The following NEK1 variants were observed in gnomAD, a reference collection of about 807,000 sequenced individuals.
The protein encoded by NEK1 is NIMA related kinase 1, also known as serine/threonine-protein kinase Nek1.
Under a neutral mutation model 182.1 loss-of-function variants are expected in NEK1, and 137 were observed. That is an observed-to-expected ratio of 0.75 (90% CI 0.65 to 0.87). NEK1 has a LOEUF of 0.87. Ranked by LOEUF, NEK1 falls within the 40% of genes least tolerant of loss-of-function variation. The pLI is 0.00. For missense variants in NEK1, 1,391 were observed against 1,494.4 expected (o/e 0.93, Z 1.14); for synonymous variants, 513 against 492.2 (o/e 1.04, Z -0.56).
chr4:169,568,526 A>C (rs1764088079), intron 12 of NEK1, among the ~76,000 whole-genome samples: 1 of 152,234 alleles, frequency 6.6e-6, no homozygotes, highest in Admixed American at 6.5e-5. Context: ...AACTACTGAT[A>C]ATCACAAGTA....
chr4:169,580,019 A>C (rs950108134), intron 11 of NEK1, among the ~76,000 whole-genome samples: 1 of 152,176 alleles, frequency 6.6e-6, no homozygotes, highest in Non-Finnish European at 1.5e-5. Flanking sequence ...TCAGGAAAAA[A>C]ATAATTTCCC....
intron 18 of NEK1, among the ~76,000 whole-genome samples, chr4:169,541,484 A>T (rs1759402802): frequency 6.6e-6 from 1 of 152,158 alleles, no homozygotes. Flanking sequence ...GAAGAGGAAA[A>T]ATAACTACTA....
intron 23 of NEK1, among the ~76,000 whole-genome samples, 166 bp from the exon 24 acceptor site, chr4:169,479,700 A>G (rs1747641347): frequency 6.6e-6 from 1 of 152,154 alleles, no homozygotes; most frequent in Non-Finnish European, 1.5e-5. Flanking sequence ...CTGGGGATAC[A>G]GCAGTGACTA....
intron 27 of NEK1, 57 bp downstream of exon 27, chr4:169,463,186 A>C: frequency 2.1e-6 from 2 of 949,238 alleles, no homozygotes; most frequent in Non-Finnish European, 2.9e-6. Flanking sequence ...TAAAATACAT[A>C]ATTAGATTTT....
intron 27 of NEK1, among the ~76,000 whole-genome samples, chr4:169,443,616 C>T (rs550007462): frequency 7.3e-5 from 11 of 151,582 alleles, no homozygotes; most frequent in South Asian, 4.2e-4. Flanking sequence ...ATTTCTCTAA[C>T]GAAATAACAG....
rs574204412 is a variant in NEK1, at chr4:169,556,028, T to C, written c.1334A>G (p.His445Arg). The C allele has an allele frequency of 6.8e-5, 109 of 1,613,792 alleles. No individual in the cohort carries two copies. In the South Asian group the frequency reaches 1.1e-3, roughly 17 times the overall value. ...SSFSSRGQYE[H>R]YHAIFDQMQQ... is the part of the protein sequence containing the mutation. Reference sequence around the variant, plus strand: ...CATTTGGTCAAAAATGGCATGGTAATGTTCATACTGTCCTCGAGAAGAAAA... The same window carrying C: ...CATTTGGTCAAAAATGGCATGGTAACGTTCATACTGTCCTCGAGAAGAAAA... The change falls in exon 17 of 36, where the codon CAT (histidine) becomes CGT (arginine). Residue 445 changes from histidine to arginine, a missense_variant. His to Arg is a conservative substitution (Grantham distance 29, BLOSUM62 0). Around this residue, in one of 5 missense-constraint regions of NEK1, gnomAD observed 1,216 missense variants for 1,277.6 expected, o/e 0.95. Coordinates refer to ENST00000507142, the MANE Select transcript of NEK1 (RefSeq NM_001199397.3).
In NEK1 at chr4:169,585,563, A is replaced by C. The variant is rs781598047; in HGVS notation, c.607-14T>G. 6 of 1,543,468 alleles carry C rather than the reference A, an allele frequency of 3.9e-6. No homozygotes were observed. In the South Asian group the frequency reaches 6.8e-5, roughly 18 times the overall value. The stretch of plus-strand genomic sequence containing the variant: ...GCCAGCTTCAAACTAAATTCCAGAA[A>C]ATAAATAACATATAGGAAACATATA... On this transcript the variant is annotated splice_polypyrimidine_tract_variant and intron_variant, in intron 9 of 35. Coordinates refer to ENST00000507142, the MANE Select transcript of NEK1 (RefSeq NM_001199397.3).
Position 169,394,422 on chromosome 4 carries a change from T to G in NEK1, c.*88A>C, listed in dbSNP as rs1487951755. 6.4e-6 allele frequency: 5 copies of G among 780,616 alleles called. No homozygotes were observed. In the East Asian group the frequency reaches 1.1e-4, roughly 17 times the overall value. 48.4% of individuals were successfully genotyped at this position (780,616 alleles called of 1,614,324 possible). A position where few individuals can be genotyped will look rare whatever the true frequency, so the allele number is the denominator to read the frequency against. ...TAAATCTGATTTTTTAAATAAATAA[T>G]TGCTGTATTTCCCACTGAAGCTTGT... On this transcript the variant is annotated 3_prime_UTR_variant, in exon 36 of 36. Coordinates refer to ENST00000507142, the MANE Select transcript of NEK1 (RefSeq NM_001199397.3).
At chr4:169,468,639 A>C (rs1281440965) in intron 26 of NEK1, among the ~76,000 whole-genome samples, 1 of 152,198 alleles carries the variant, frequency 6.6e-6, no homozygotes, top group African/African-American at 2.4e-5. Flanking sequence ...TCATAAAATT[A>C]GTTAGGGAGG....
At chr4:169,426,788 TAAGTA>T (rs1211807718) in intron 29 of NEK1, among the ~76,000 whole-genome samples, 3 of 152,212 alleles carry the variant, frequency 2.0e-5, no homozygotes, top group Non-Finnish European at 4.4e-5. Flanking sequence ...GATATACTGT[TAAGTA>T]AACAAAGTGA....
intron 19 of NEK1, among the ~76,000 whole-genome samples, chr4:169,522,567 T>C (rs1303895015): frequency 6.6e-6 from 1 of 152,216 alleles, no homozygotes; most frequent in African/African-American, 2.4e-5. Flanking sequence ...TCTGAAAACT[T>C]GTGATACTCT....
At chr4:169,550,570 G>GAA (rs2149882949) in intron 18 of NEK1, among the ~76,000 whole-genome samples, 1 of 152,276 alleles carries the variant, frequency 6.6e-6, no homozygotes, top group South Asian at 2.1e-4. Flanking sequence ...CTGCCTCACA[G>GAA]TATTGGTGAT....
At chr4:169,495,745 C>G (rs1318830988) in intron 23 of NEK1, among the ~76,000 whole-genome samples, 1 of 152,158 alleles carries the variant, frequency 6.6e-6, no homozygotes, top group Non-Finnish European at 1.5e-5. Context: ...GGGCTCTGTT[C>G]TGTTCCATTG....
At chr4:169,413,090 AT>A (rs1262446356) in intron 31 of NEK1, among the ~76,000 whole-genome samples, 1 of 152,022 alleles carries the variant, frequency 6.6e-6, no homozygotes, top group African/African-American at 2.4e-5. Flanking sequence ...TGTGGTGTTA[AT>A]TTAGTTTATG....
In NEK1 at chr4:169,603,181, C is replaced by T. The variant is rs757980352; in HGVS notation, c.-48-503G>A. Among the ~76,000 whole-genome samples, 4 of 152,258 alleles carry T rather than the reference C, an allele frequency of 2.6e-5. No individual in the cohort carries two copies. In the East Asian group the frequency reaches 7.7e-4, roughly 29 times the overall value. Reference sequence around the variant, plus strand: ...GAATTCAAAGAATATGCCCATGTTACAGTATGGCTTTCAAACATATTAAGT... The same window carrying T: ...GAATTCAAAGAATATGCCCATGTTATAGTATGGCTTTCAAACATATTAAGT... On this transcript the variant is annotated intron_variant, in intron 2 of 35. Coordinates refer to ENST00000507142, the MANE Select transcript of NEK1 (RefSeq NM_001199397.3).
At chr4:169,508,398 AT>A (rs892319269) in intron 20 of NEK1, 67 bp from the exon 21 acceptor site, 65 of 1,309,152 alleles carry the variant, frequency 5.0e-5, no homozygotes, top group South Asian at 2.5e-4. Flanking sequence ...TTACTGCTAG[AT>A]TTTTTTTAAA....
intron 19 of NEK1, among the ~76,000 whole-genome samples, chr4:169,523,547 A>C (rs1756428753): frequency 2.0e-5 from 3 of 152,196 alleles, no homozygotes; most frequent in African/African-American, 2.4e-5. Flanking sequence ...ATTCTCCCTC[A>C]AAGCCCCCAG....
intron 27 of NEK1, among the ~76,000 whole-genome samples, chr4:169,459,977 C>G (rs1254505135): frequency 6.6e-6 from 1 of 152,072 alleles, no homozygotes; most frequent in Non-Finnish European, 1.5e-5. Flanking sequence ...TGTCAAAACC[C>G]AGGGCAATTA....
intron 12 of NEK1, among the ~76,000 whole-genome samples, chr4:169,576,059 G>A (rs1324723697): frequency 2.6e-5 from 4 of 151,262 alleles, no homozygotes; most frequent in Non-Finnish European, 5.9e-5. Context: ...CCGCCTCCCC[G>A]GTTCAAGTGA....
Sources: allele counts gnomAD v4.1 joint callset (sites outside exome capture counted in the v4.1 genomes callset), GRCh38; gene constraint gnomAD v4.1.1; regional missense constraint gnomAD v4.1.1; transcripts MANE v1.5; gene names NCBI Gene and HGNC (gene_info 2026-07-23, HGNC 2026-07-21).